Variants in CCDC102B observed in about 807,000 individuals in gnomAD.
CCDC102B encodes coiled-coil domain containing 102B, also known as coiled-coil domain-containing protein 102B.
CCDC102B carries 75 observed loss-of-function variants against 57.4 expected under a neutral mutation model. The ratio of observed to expected loss-of-function variants is 1.31; its 90% confidence interval spans 1.08 to 1.58. CCDC102B has a LOEUF of 1.58. Ranked by LOEUF, CCDC102B falls within the 40% of genes most tolerant of loss-of-function variation. The pLI, the probability that CCDC102B is intolerant of heterozygous loss-of-function variation, is 0.00. For missense variants in CCDC102B, 636 were observed against 582.6 expected, an observed-to-expected ratio of 1.09 and a Z score of -0.94; for synonymous variants, 206 against 201.9, an observed-to-expected ratio of 1.02 and a Z score of -0.17.
intron 6 of CCDC102B, among the ~76,000 whole-genome samples, chr18:68,930,146 C>G (rs996921024): frequency 6.6e-6 from 1 of 150,602 alleles, no homozygotes; most frequent in African/African-American, 2.4e-5. Flanking sequence ...GGCCCAGATA[C>G]TTGGATTTAC....
intron 2 of CCDC102B, among the ~76,000 whole-genome samples, chr18:68,759,174 G>C (rs994529695): frequency 2.0e-5 from 3 of 151,886 alleles, no homozygotes; most frequent in African/African-American, 7.2e-5. Context: ...GAAAGAAAAA[G>C]TTATGTAAAA....
At chr18:68,962,292 A>G (rs1599759508) in intron 6 of CCDC102B, among the ~76,000 whole-genome samples, 1 of 152,180 alleles carries the variant, frequency 6.6e-6, no homozygotes, top group East Asian at 1.9e-4. Context: ...TTACAAACCT[A>G]TATTTTGAGT....
intron 6 of CCDC102B, among the ~76,000 whole-genome samples, chr18:68,899,275 T>C (rs997632825): frequency 6.6e-6 from 1 of 152,006 alleles, no homozygotes; most frequent in African/African-American, 2.4e-5. Flanking sequence ...TCCTCAAATG[T>C]CAAATGAATC....
chr18:68,903,675 A>G (rs1002504798), intron 6 of CCDC102B, among the ~76,000 whole-genome samples: 2 of 152,210 alleles, frequency 1.3e-5, no homozygotes, highest in African/African-American at 4.8e-5. Flanking sequence ...ATGAAAAGTT[A>G]TGGGAAAAAG....
intron 6 of CCDC102B, among the ~76,000 whole-genome samples, chr18:69,003,118 GA>G (rs1431111165): frequency 2.6e-5 from 4 of 152,076 alleles, no homozygotes; most frequent in Non-Finnish European, 5.9e-5. Flanking sequence ...TTCCCACAAA[GA>G]TAGTGTTTTA....
chr18:68,765,530 A>G (rs1031083886), intron 2 of CCDC102B, among the ~76,000 whole-genome samples: 2 of 151,194 alleles, frequency 1.3e-5, no homozygotes, highest in African/African-American at 4.9e-5. Flanking sequence ...AGAAATAGAA[A>G]GAGAAAATAA....
At chr18:68,994,752 G>A (rs975268895) in intron 6 of CCDC102B, among the ~76,000 whole-genome samples, 3 of 152,174 alleles carry the variant, frequency 2.0e-5, no homozygotes, top group African/African-American at 7.2e-5. Context: ...CGAACTGTGA[G>A]CCAATTAAAA....
At chr18:68,814,168 G>A (rs1344342191) in intron 1 of CCDC102B, among the ~76,000 whole-genome samples, 1 of 152,136 alleles carries the variant, frequency 6.6e-6, no homozygotes, top group Non-Finnish European at 1.5e-5. Context: ...AACAGAATGA[G>A]TATTTTCTTT....
intron 1 of CCDC102B, among the ~76,000 whole-genome samples, chr18:68,805,470 A>G (rs2036000626): frequency 6.6e-6 from 1 of 152,204 alleles, no homozygotes. Context: ...CTAAGCAAGT[A>G]GGGTCAAGAG....
intron 5 of CCDC102B, among the ~76,000 whole-genome samples, chr18:68,895,721 T>C (rs1262533989): frequency 1.3e-5 from 2 of 151,768 alleles, no homozygotes; most frequent in Non-Finnish European, 3.0e-5. Flanking sequence ...ATTTATGGTA[T>C]TATATGTATG....
chr18:68,779,687 GAGGAA>G (rs1003713978), intron 2 of CCDC102B, among the ~76,000 whole-genome samples: 31 of 152,130 alleles, frequency 2.0e-4, no homozygotes, highest in African/African-American at 7.2e-4. Context: ...ATCATGCAGT[GAGGAA>G]AGGAAAAAAT....
intron 1 of CCDC102B, among the ~76,000 whole-genome samples, chr18:68,820,832 G>A (rs530076870): frequency 1.3e-5 from 2 of 152,228 alleles, no homozygotes; most frequent in East Asian, 3.9e-4. Flanking sequence ...AGCTGTTGTG[G>A]AAGATAGAGT....
At chr18:68,880,096 T>G (rs1599624265) in intron 5 of CCDC102B, among the ~76,000 whole-genome samples, 1 of 151,576 alleles carries the variant, frequency 6.6e-6, no homozygotes, top group African/African-American at 2.4e-5. Context: ...ATGGAGGGGG[T>G]GGAAGGCTCA....
At chr18:68,957,062 T>C (rs557632099) in intron 6 of CCDC102B, among the ~76,000 whole-genome samples, 1 of 152,222 alleles carries the variant, frequency 6.6e-6, no homozygotes, top group South Asian at 2.1e-4. Context: ...GCAAATATTT[T>C]CTCTTATTCT....
At chr18:68,921,930 CA>C (rs2041297381) in intron 6 of CCDC102B, among the ~76,000 whole-genome samples, 1 of 152,188 alleles carries the variant, frequency 6.6e-6, no homozygotes, top group Non-Finnish European at 1.5e-5. Context: ...ACTAACACAA[CA>C]CCACTACTCT....
intron 4 of CCDC102B, among the ~76,000 whole-genome samples, chr18:68,872,899 TA>T (rs972797338): frequency 6.6e-6 from 1 of 152,172 alleles, no homozygotes; most frequent in African/African-American, 2.4e-5. Flanking sequence ...CTGCTGTTTA[TA>T]AAAACTTGCT....
At chr18:68,965,514 G>A (rs1363685448) in intron 6 of CCDC102B, among the ~76,000 whole-genome samples, 1 of 150,896 alleles carries the variant, frequency 6.6e-6, no homozygotes, top group South Asian at 2.1e-4. Context: ...TTTTGTGATG[G>A]CTTCTTTAAA....
intron 6 of CCDC102B, among the ~76,000 whole-genome samples, chr18:68,974,501 CT>C (rs1568362725): frequency 6.6e-6 from 1 of 151,748 alleles, no homozygotes; most frequent in East Asian, 1.9e-4. Context: ...ACCTTTTTTT[CT>C]ATGGCATTTT....
intron 4 of CCDC102B, among the ~76,000 whole-genome samples, chr18:68,871,322 T>G (rs1422074644): frequency 1.3e-5 from 2 of 152,182 alleles, no homozygotes; most frequent in African/African-American, 4.8e-5. Context: ...TTAACGAATG[T>G]GATATATCAG....
Sources: gnomAD v4.1 joint callset for allele counts (sites outside exome capture counted in the v4.1 genomes callset) on GRCh38, gnomAD v4.1.1 for gene constraint, MANE v1.5 for transcripts, NCBI Gene and HGNC (gene_info 2026-07-23, HGNC 2026-07-21) for gene names.